Variants in SMAD9 observed in about 807,000 individuals in gnomAD.
SMAD9 encodes the protein MAD homolog 9.
In SMAD9, 36 loss-of-function variants were observed where a neutral mutation model predicts 46.1. That is an observed-to-expected ratio of 0.78 (90% CI 0.60 to 1.03). The LOEUF (loss-of-function observed/expected upper bound fraction) is 1.03, where lower values mean the gene tolerates loss of function less well. SMAD9 is among the 50% of genes least tolerant of loss of function. The pLI is 0.00. For synonymous variants in SMAD9, 245 were observed against 237.1 expected, an observed-to-expected ratio of 1.03 and a Z score of -0.31; for missense variants, 572 against 599.8, an observed-to-expected ratio of 0.95 and a Z score of 0.48.
intron 2 of SMAD9, among the ~76,000 whole-genome samples, chr13:36,878,312 T>A (rs1254786755): frequency 6.6e-6 from 1 of 152,208 alleles, no homozygotes; most frequent in Non-Finnish European, 1.5e-5. Context: ...ACTGTACTTT[T>A]GCTGTACCTC....
chr13:36,919,709 G>A (rs931959304), intron 1 of SMAD9, among the ~76,000 whole-genome samples: 6 of 146,888 alleles, frequency 4.1e-5, no homozygotes, highest in Admixed American at 4.0e-4. Flanking sequence ...CCCGCCGCGG[G>A]TCGAACATCC....
intron 6 of SMAD9, among the ~76,000 whole-genome samples, chr13:36,850,733 A>AGTGTGGAGTTCTCATCCACACT (rs1266600581): frequency 1.3e-5 from 2 of 152,164 alleles, no homozygotes; most frequent in Non-Finnish European, 2.9e-5. Flanking sequence ...AGGGAGTTAA[A>AGTGTGGAGTTCTCATCCACACT]TACGGTCCCT....
intron 3 of SMAD9, among the ~76,000 whole-genome samples, chr13:36,870,159 C>T (rs1367067721): frequency 6.6e-6 from 1 of 152,104 alleles, no homozygotes; most frequent in Non-Finnish European, 1.5e-5. Context: ...TGGTGTCTGT[C>T]CTGCTTGGGT....
chr13:36,898,892 T>C (rs2058551278), intron 1 of SMAD9, among the ~76,000 whole-genome samples: 1 of 152,196 alleles, frequency 6.6e-6, no homozygotes, highest in South Asian at 2.1e-4. Flanking sequence ...CTGCTATTCA[T>C]GATTGTATGG....
intron 1 of SMAD9, 77 bp from the exon 2 acceptor site, chr13:36,879,952 CA>C: frequency 2.5e-6 from 1 of 396,296 alleles, no homozygotes; most frequent in Non-Finnish European, 4.6e-6. Context: ...TAGAAAGAGG[CA>C]ATCTACACCT....
At position 36,879,712 on chromosome 13, in the gene SMAD9, C is replaced by T. The variant is rs2058385824; in HGVS notation, c.-23G>A. 1.9e-6 allele frequency: 3 copies of T among 1,612,856 alleles called. No homozygotes were observed. Among genetic ancestry groups the T allele is most frequent in the East Asian group, 2.2e-5 (1 of 44,876 alleles). ...CATAAGAGGCCACAGCAGGCTCCGG[C>T]GCGCACGGGAACCGCACAGCCCTTC... On this transcript the variant is annotated 5_prime_UTR_variant, in exon 2 of 7. Transcript: ENST00000379826.
At chr13:36,908,404 A>C (rs545179352) in intron 1 of SMAD9, among the ~76,000 whole-genome samples, 1 of 152,230 alleles carries the variant, frequency 6.6e-6, no homozygotes, top group African/African-American at 2.4e-5. Context: ...CAGAAATACA[A>C]ATTTCTGTTA....
At chr13:36,894,315 G>T (rs117906973) in intron 1 of SMAD9, among the ~76,000 whole-genome samples, 7 of 152,004 alleles carry the variant, frequency 4.6e-5, no homozygotes, top group Non-Finnish European at 1.0e-4. Flanking sequence ...GAGATCTGAC[G>T]GTTTTCTAAG....
At chr13:36,890,477 T>G (rs2058480714) in intron 1 of SMAD9, among the ~76,000 whole-genome samples, 1 of 152,222 alleles carries the variant, frequency 6.6e-6, no homozygotes. Context: ...ATTGACGTAG[T>G]CAATGAACCA....
chr13:36,879,714 C>T lies in SMAD9; in HGVS notation c.-25G>A, dbSNP rs375879495. On this transcript the variant is annotated 5_prime_UTR_variant, in exon 2 of 7. Coordinates refer to ENST00000379826, the MANE Select transcript of SMAD9 (RefSeq NM_001127217.3). ...TAAGAGGCCACAGCAGGCTCCGGCG[C>T]GCACGGGAACCGCACAGCCCTTCAC... The T allele has an allele frequency of 2.7e-5, 44 of 1,612,592 alleles. No individual in the cohort carries two copies. Among genetic ancestry groups the T allele is most frequent in the Admixed American group, 2.2e-4 (13 of 60,008 alleles).
intron 5 of SMAD9, among the ~76,000 whole-genome samples, chr13:36,857,533 G>T (rs1228671559): frequency 1.3e-5 from 2 of 152,124 alleles, no homozygotes; most frequent in Non-Finnish European, 2.9e-5. Flanking sequence ...GGTTAATGAG[G>T]ACTAGAAGAA....
At position 36,853,675 on chromosome 13, in the gene SMAD9, C is replaced by T; in HGVS notation, c.1004G>A (p.Gly335Asp). 6.2e-7 allele frequency: 1 copy of T among 1,613,986 alleles called. No homozygotes were observed. The highest frequency in any genetic ancestry group is 8.5e-7 in the Non-Finnish European group (1 of 1,180,016). Residue 335 changes from glycine to aspartate, a missense_variant and splice_region_variant, in exon 6 of 7, where the codon GGT becomes GAT. By Grantham distance (94) the Gly-to-Asp change is moderately conservative. Coordinates refer to ENST00000379826, the MANE Select transcript of SMAD9 (RefSeq NM_001127217.3). ...TCCCCCGACGTAGTACAAGTGCACA[C>T]CTGCAGACACAAAAACACAGCCTTC... is the stretch of plus-strand genomic sequence containing the variant. ...IENTRRHIGK[G>D]VHLYYVGGEV...
chr13:36,876,288 T>C (rs1323435832), intron 2 of SMAD9, among the ~76,000 whole-genome samples: 4 of 152,112 alleles, frequency 2.6e-5, no homozygotes, highest in Non-Finnish European at 5.9e-5. Context: ...TGATATAATA[T>C]GAATATTTTA....
rs118006909 is a variant in SMAD9 at position 36,909,858 on chromosome 13, T to C, written c.-187+10258A>G. On this transcript the variant is annotated intron_variant, in intron 1 of 6. Coordinates refer to ENST00000379826, the MANE Select transcript of SMAD9 (RefSeq NM_001127217.3). ...CAACATGGAGGTATACTTCTGTTTA[T>C]TCCTCCTGTAGGCTTCACTGTGGGA... is the stretch of plus-strand genomic sequence containing the variant. 9.4e-4 allele frequency among the ~76,000 whole-genome samples: 143 copies of C among 152,332 alleles called. 1 individual carries two copies. In the East Asian group the frequency reaches 0.027, roughly 29 times the overall value.
At chr13:36,904,027 A>T (rs979554573) in intron 1 of SMAD9, among the ~76,000 whole-genome samples, 2 of 152,198 alleles carry the variant, frequency 1.3e-5, no homozygotes, top group South Asian at 4.1e-4. Context: ...GTTAATATAT[A>T]TTATGTAAAC....
rs2058029661 is a variant in SMAD9 at position 36,845,018 on chromosome 13, TAC to T, written c.*3656_*3657del. ...ATGCTAGGATCACCTAAACTTGTCA[TAC>T]AGTTCTGCTATTAAAATCGTAACAG... On this transcript the variant is annotated 3_prime_UTR_variant, in exon 7 of 7. Transcript: ENST00000379826. The T allele has an allele frequency of 6.6e-6, 1 of 152,170 alleles. No homozygotes were observed. Among genetic ancestry groups the T allele is most frequent in the African/African-American group, 2.4e-5 (1 of 41,448 alleles). 9.4% of individuals were successfully genotyped at this position (152,170 alleles called of 1,614,324 possible). A position where few individuals can be genotyped will look rare whatever the true frequency, so the allele number is the denominator to read the frequency against.
At chr13:36,863,903 T>C (rs185055484) in intron 5 of SMAD9, among the ~76,000 whole-genome samples, 1 of 152,154 alleles carries the variant, frequency 6.6e-6, no homozygotes, top group Non-Finnish European at 1.5e-5. Context: ...TGAAACAGAC[T>C]ACCACACACT....
At chr13:36,919,357 G>A (rs901563931) in intron 1 of SMAD9, among the ~76,000 whole-genome samples, 4 of 151,992 alleles carry the variant, frequency 2.6e-5, no homozygotes, top group African/African-American at 9.7e-5. Context: ...CCTCCCCTCT[G>A]CGGAGAGCTG....
chr13:36,904,032 G>A (rs2058599206), intron 1 of SMAD9, among the ~76,000 whole-genome samples: 2 of 152,218 alleles, frequency 1.3e-5, no homozygotes, highest in East Asian at 1.9e-4. Flanking sequence ...TATATATTAT[G>A]TAAACTGCCA....
Sources: allele counts gnomAD v4.1 joint callset (sites outside exome capture counted in the v4.1 genomes callset), GRCh38; gene constraint gnomAD v4.1.1; transcripts MANE v1.5; gene names NCBI Gene and HGNC (gene_info 2026-07-23, HGNC 2026-07-21).